Variants in MTMR4 observed in about 807,000 individuals in gnomAD.
MTMR4 encodes myotubularin related protein 4.
A neutral mutation model predicts 125.5 loss-of-function variants in MTMR4; 30 were observed. The observed-to-expected ratio is 0.24, with a 90% CI of 0.18 to 0.32. MTMR4 has a LOEUF of 0.32. MTMR4 is among the 10% of genes least tolerant of loss of function. MTMR4 has a pLI of 1.00. For synonymous variants in MTMR4, 498 were observed against 564.5 expected (o/e 0.88, Z 1.67); for missense variants, 1,039 against 1,511.5 (o/e 0.69, Z 5.18).
At chr17:58,517,574 C>T (rs1056269357), upstream of MTMR4, among the ~76,000 whole-genome samples, 1 of 152,248 alleles carries the variant, frequency 6.6e-6, no homozygotes, top group Non-Finnish European at 1.5e-5. Flanking sequence ...GAAGGAGGGA[C>T]AAGGATCAGG....
intron 14 of MTMR4, among the ~76,000 whole-genome samples, chr17:58,502,301 G>A (rs914296357): frequency 1.3e-5 from 2 of 151,670 alleles, no homozygotes; most frequent in African/African-American, 4.8e-5. Flanking sequence ...GGGATTACAG[G>A]TGCCTGCCAC....
intron 4 of MTMR4, 179 bp from the exon 5 acceptor site, chr17:58,509,020 T>C: frequency 1.6e-6 from 1 of 620,470 alleles, no homozygotes; most frequent in Non-Finnish European, 2.8e-6. Flanking sequence ...CCAACAGAAG[T>C]TGTCTCTTGT....
Position 58,511,179 on chromosome 17 carries a change from T to C in MTMR4, c.335+250A>G, listed in dbSNP as rs192449958. ...CCAGATATTGTCCTCGGTGCTTTCA[T>C]ACACATACACATTATCTCACTTAAT... On this transcript the variant is annotated intron_variant, in intron 4 of 17. Transcript: ENST00000682306. 3.3e-4 allele frequency: 123 copies of C among 369,962 alleles called. No homozygotes were observed. The highest frequency in any genetic ancestry group is 1.9e-3 in the African/African-American group (93 of 48,116). 22.9% of individuals were successfully genotyped at this position (369,962 alleles called of 1,614,324 possible). A position where few individuals can be genotyped will look rare whatever the true frequency, so the allele number is the denominator to read the frequency against.
chr17:58,518,871 T>G (rs1567942309), upstream of MTMR4, among the ~76,000 whole-genome samples: 1 of 152,204 alleles, frequency 6.6e-6, no homozygotes, highest in Admixed American at 6.5e-5. Flanking sequence ...GCGCTTTAAT[T>G]AGCCCGGGGC....
In MTMR4 at chr17:58,504,087, T is replaced by C. The variant is rs141377491; in HGVS notation, c.1661A>G (p.Asn554Ser). Reference sequence around the variant, plus strand: ...GGGTGTGTAGAGGAAGTTATGAAAGTTTTTATTGCCAGCTCGAAGGAGCGC... The same window carrying C: ...GGGTGTGTAGAGGAAGTTATGAAAGCTTTTATTGCCAGCTCGAAGGAGCGC... ...VWALLRAGNK[N>S]FHNFLYTPSS... is the part of the protein sequence containing the mutation. Residue 554 changes from asparagine (N) to serine (S), a missense_variant, in exon 13 of 18, where the codon AAC becomes AGC. Physicochemically the swap from Asn to Ser is conservative, Grantham distance 46. This residue lies in a region of MTMR4 where 619 missense variants were observed against 714.5 expected (regional missense o/e 0.87). Coordinates refer to ENST00000682306, the MANE Select transcript of MTMR4 (RefSeq NM_001378067.1). The surrounding 1 kb of genome is among the most constrained non-coding windows in gnomAD (Gnocchi z 7.1). 4 of 1,580,302 alleles carry C rather than the reference T, an allele frequency of 2.5e-6. No individual in the cohort carries two copies. Among genetic ancestry groups the C allele is most frequent in the African/African-American group, 1.4e-5 (1 of 73,286 alleles).
intron 10 of MTMR4, 90 bp downstream of exon 10, chr17:58,505,382 A>G: frequency 8.4e-7 from 1 of 1,189,322 alleles, no homozygotes; most frequent in Non-Finnish European, 1.2e-6. Context: ...CCTGCTCTCC[A>G]AACTTCTCAT....
chr17:58,518,227 C>T (rs1322750927), upstream of MTMR4, among the ~76,000 whole-genome samples: 1 of 152,250 alleles, frequency 6.6e-6, no homozygotes, highest in African/African-American at 2.4e-5. Flanking sequence ...GTGGAGGCGG[C>T]TCGTCGCCTA....
Position 58,504,552 on chromosome 17 carries a change from G to C in MTMR4, c.1342-64C>G. ...GGAAATGCTGATGTGCTACTCCCCT[G>C]GGAACTGCCCAAAGCAGGAAGCTGG... is the stretch of plus-strand genomic sequence containing the variant. On this transcript the variant is annotated intron_variant, in intron 11 of 17. Coordinates refer to ENST00000682306, the MANE Select transcript of MTMR4 (RefSeq NM_001378067.1). The surrounding 1 kb of genome is among the most constrained non-coding windows in gnomAD (Gnocchi z 7.1). 6.4e-7 allele frequency: 1 copy of C among 1,556,066 alleles called. No individual in the cohort carries two copies. The highest frequency in any genetic ancestry group is 8.7e-7 in the Non-Finnish European group (1 of 1,146,578).
At chr17:58,509,649 G>C (rs190554683) in intron 4 of MTMR4, among the ~76,000 whole-genome samples, 2 of 151,874 alleles carry the variant, frequency 1.3e-5, no homozygotes, top group Non-Finnish European at 2.9e-5. Context: ...TGAACTCCTG[G>C]GCTCAAGCGA....
chr17:58,508,900 A>T lies in MTMR4; in HGVS notation c.336-59T>A. The T allele has an allele frequency of 6.4e-7, 1 of 1,569,408 alleles. No individual in the cohort carries two copies. The highest frequency in any genetic ancestry group is 1.1e-5 in the South Asian group (1 of 87,490). On this transcript the variant is annotated intron_variant, in intron 4 of 17. Coordinates refer to ENST00000682306, the MANE Select transcript of MTMR4 (RefSeq NM_001378067.1). This position sits in a 1 kb window ranked among gnomAD's most constrained non-coding sequence, Gnocchi z 4.8. Reference sequence around the variant, plus strand: ...CAAAGTGCAGTTGTGCCATGGGGCTATCAGGGCCAAAAACACAGCCACAGG... The same window carrying T: ...CAAAGTGCAGTTGTGCCATGGGGCTTTCAGGGCCAAAAACACAGCCACAGG...
Position 58,491,365 on chromosome 17 carries a change from C to T in MTMR4, c.*298G>A, listed in dbSNP as rs1975309629. 1 of 215,708 alleles carries T rather than the reference C, an allele frequency of 4.6e-6. No individual in the cohort carries two copies. Among genetic ancestry groups the T allele is most frequent in the Non-Finnish European group, 9.3e-6 (1 of 107,124 alleles). The allele number at this position is 215,708 out of a possible 1,614,324, so 13.4% of individuals were successfully genotyped here. On this transcript the variant is annotated 3_prime_UTR_variant, in exon 18 of 18. Transcript: ENST00000682306. ...CACTTTGCACCAGGCAACATCTACG[C>T]AATCATCATCTTGTGACCTCCAGGA... is the stretch of plus-strand genomic sequence containing the variant.
chr17:58,506,801 C>T lies in MTMR4; in HGVS notation c.975G>A (p.Ala325=), dbSNP rs766100440. Residue 325 remains alanine, a synonymous_variant, in exon 9 of 18, where the codon GCG becomes GCA. Transcript: ENST00000682306. ...TGGCCACTGCTGCCGTGTAGGATCG[C>T]GCATCCAGGATCAGCAGCTTTTGAG... ...AAPQKLLILD[A]RSYTAAVANR... 14 of 1,613,826 alleles carry T rather than the reference C, an allele frequency of 8.7e-6. No individual in the cohort carries two copies. The highest frequency in any genetic ancestry group is 5.3e-5 in the African/African-American group (4 of 74,898).
In MTMR4 at chr17:58,504,095, G is replaced by T; in HGVS notation, c.1653C>A (p.Gly551=). The change falls in exon 13 of 18, where the codon GGC becomes GGA. Residue 551 remains glycine, a synonymous_variant. Coordinates refer to ENST00000682306, the MANE Select transcript of MTMR4 (RefSeq NM_001378067.1). The surrounding 1 kb of genome is among the most constrained non-coding windows in gnomAD (Gnocchi z 7.1). ...AGAGGAAGTTATGAAAGTTTTTATT[G>T]CCAGCTCGAAGGAGCGCCCACACAG... ...TCSVWALLRA[G]NKNFHNFLYT... 1 of 1,586,584 alleles carries T rather than the reference G, an allele frequency of 6.3e-7. No homozygotes were observed. The highest frequency in any genetic ancestry group is 2.2e-5 in the East Asian group (1 of 44,654).
intron 14 of MTMR4, among the ~76,000 whole-genome samples, chr17:58,502,487 C>T (rs1975669547): frequency 7.0e-6 from 1 of 143,412 alleles, no homozygotes; most frequent in African/African-American, 2.6e-5. Context: ...AAAAGCTACA[C>T]ATATAAGGAT....
chr17:58,494,802 T>A lies in MTMR4; in HGVS notation c.3252+130A>T, dbSNP rs975910014. 21 of 785,316 alleles carry A rather than the reference T, an allele frequency of 2.7e-5. No homozygotes were observed. In the Admixed American group the frequency reaches 4.3e-4, roughly 16 times the overall value. The allele number at this position is 785,316 out of a possible 1,614,324, so 48.6% of individuals were successfully genotyped here. On this transcript the variant is annotated intron_variant, in intron 15 of 17. Coordinates refer to ENST00000682306, the MANE Select transcript of MTMR4 (RefSeq NM_001378067.1). ...AAACATCATTCTAATTGCTTACTTG[T>A]TTTTCATCCTATAGCCCAGGCACCT...
upstream of MTMR4, chr17:58,514,932 T>G: frequency 1.2e-6 from 1 of 869,084 alleles, no homozygotes; most frequent in Non-Finnish European, 1.4e-6. Context: ...GATCCCAAGG[T>G]GGAGCTCACC....
At position 58,508,830 on chromosome 17, in the gene MTMR4, G is replaced by C. The variant is rs775264974; in HGVS notation, c.347C>G (p.Ser116Cys). 6.2e-7 allele frequency: 1 copy of C among 1,612,378 alleles called. No individual in the cohort carries two copies. Among genetic ancestry groups the C allele is most frequent in the Admixed American group, 1.7e-5 (1 of 59,998 alleles). Residue 116 changes from serine to cysteine, a missense_variant, in exon 5 of 18, where the codon TCC becomes TGC. Physicochemically the swap from Ser to Cys is moderately radical, Grantham distance 112. Around this residue, in one of 6 missense-constraint regions of MTMR4, gnomAD observed 202 missense variants for 311.9 expected, o/e 0.65. Transcript: ENST00000682306. The surrounding 1 kb of genome is among the most constrained non-coding windows in gnomAD (Gnocchi z 4.8). Reference protein sequence around the residue: ...KDSKVVRCHFSTFKQCQEWLS... With the variant: ...KDSKVVRCHFCTFKQCQEWLS... ...CCACTCTTGGCACTGCTTAAAAGTG[G>C]AGAAGTGGCACCTGCCAGGCAAGAA...
chr17:58,496,018 T>C lies in MTMR4; in HGVS notation c.2166A>G (p.Ala722=), dbSNP rs768710687. The C allele has an allele frequency of 1.2e-6, 2 of 1,614,150 alleles. No individual in the cohort carries two copies. Among genetic ancestry groups the C allele is most frequent in the Admixed American group, 3.3e-5 (2 of 60,028 alleles). The change falls in exon 15 of 18, where the codon GCA becomes GCG. Residue 722 remains alanine (A), a synonymous_variant. Coordinates refer to ENST00000682306, the MANE Select transcript of MTMR4 (RefSeq NM_001378067.1). The part of the protein sequence containing the change: ...CSPSYKLLNT[A]VPREMKSNTS... ...TGTTGCTCTTCATTTCCCGAGGCAC[T>C]GCGGTATTAAGCAGTTTGTAACTTG...
chr17:58,516,445 AG>A (rs1976087073), upstream of MTMR4: 7 of 898,784 alleles, frequency 7.8e-6, no homozygotes, highest in African/African-American at 1.2e-4. Context: ...ATTTATCTCC[AG>A]GGCAGATGAA....
Sources: allele counts gnomAD v4.1 joint callset (sites outside exome capture counted in the v4.1 genomes callset), GRCh38; gene constraint gnomAD v4.1.1; regional missense constraint gnomAD v4.1.1; non-coding constraint Gnocchi (gnomAD v3.1); transcripts MANE v1.5; gene names NCBI Gene and HGNC (gene_info 2026-07-23, HGNC 2026-07-21).